FTO: variants seen among roughly 807,000 people sequenced by gnomAD.
FTO encodes alpha-ketoglutarate-dependent dioxygenase FTO.
Under a neutral mutation model 63.9 loss-of-function variants are expected in FTO, and 47 were observed. That is an observed-to-expected ratio of 0.74 (90% confidence interval 0.58 to 0.94). The LOEUF (loss-of-function observed/expected upper bound fraction) is 0.94. Among genes scored for constraint, FTO ranks in the 40% least tolerant of loss-of-function variants. The pLI is 0.00. For synonymous variants in FTO, 207 were observed against 224.4 expected (o/e 0.92, Z 0.69); for missense variants, 562 against 618.1 (o/e 0.91, Z 0.96).
At chr16:53,860,828 A>G (rs1274603857) in intron 4 of FTO, among the ~76,000 whole-genome samples, 1 of 151,942 alleles carries the variant, frequency 6.6e-6, no homozygotes, top group East Asian at 1.9e-4. Flanking sequence ...ATATTTATTA[A>G]TACTGTATTA....
intron 8 of FTO, among the ~76,000 whole-genome samples, chr16:54,025,435 A>G (rs2084690962): frequency 6.6e-6 from 1 of 152,164 alleles, no homozygotes; most frequent in Admixed American, 6.5e-5. Flanking sequence ...AATGTTACTT[A>G]TTTTTGGCCA....
At chr16:53,937,528 C>G (rs2082417557) in intron 8 of FTO, 1 of 353,462 alleles carries the variant, frequency 2.8e-6, no homozygotes, top group East Asian at 4.2e-5. Context: ...ACCGGGTGTC[C>G]CAGGATAGGC....
chr16:53,920,523 G>T (rs1472882735), intron 7 of FTO, among the ~76,000 whole-genome samples: 2 of 152,096 alleles, frequency 1.3e-5, no homozygotes, highest in East Asian at 3.9e-4. Flanking sequence ...TTGTGTGTGT[G>T]TATATATAAT....
intron 8 of FTO, chr16:53,993,783 G>A (rs1452551689): frequency 6.6e-6 from 1 of 152,140 alleles, no homozygotes; most frequent in African/African-American, 2.4e-5. Flanking sequence ...GTGGTTTCAG[G>A]AACCAGAATC....
intron 1 of FTO, among the ~76,000 whole-genome samples, chr16:53,740,412 G>A (rs900544095): frequency 2.6e-5 from 4 of 152,124 alleles, no homozygotes; most frequent in Non-Finnish European, 4.4e-5. Flanking sequence ...TTCATGTTAC[G>A]TTCCTGCTAA....
Position 53,765,207 on chromosome 16 carries a change from G to T in FTO, c.46-44933G>T, listed in dbSNP as rs61679206. ...CTCTGGGGATTCAGTAGTAACAGAC[G>T]AGAGTCCCTCTTCTCATGGAGATTA... On this transcript the variant is annotated intron_variant, in intron 1 of 8. Coordinates refer to ENST00000471389, the MANE Select transcript of FTO (RefSeq NM_001080432.3). 6.0e-3 allele frequency among the ~76,000 whole-genome samples: 913 copies of T among 152,218 alleles called. 6 individuals are homozygous for T. Among genetic ancestry groups the T allele is most frequent in the African/African-American group, 0.021 (869 of 41,542 alleles).
At chr16:53,919,373 G>T (rs1471437764) in intron 7 of FTO, among the ~76,000 whole-genome samples, 1 of 152,046 alleles carries the variant, frequency 6.6e-6, no homozygotes, top group African/African-American at 2.4e-5. Flanking sequence ...TACCCCATGA[G>T]ACCCTGGGGT....
At chr16:54,109,275 C>G (rs1220313083) in intron 8 of FTO, among the ~76,000 whole-genome samples, 1 of 152,206 alleles carries the variant, frequency 6.6e-6, no homozygotes, top group African/African-American at 2.4e-5. Flanking sequence ...TGCAGCTTGT[C>G]TGTCAGAGCT....
intron 8 of FTO, among the ~76,000 whole-genome samples, chr16:53,962,228 G>A (rs1344057026): frequency 2.0e-5 from 3 of 152,158 alleles, no homozygotes; most frequent in Non-Finnish European, 4.4e-5. Context: ...GTCAGAGCTC[G>A]TGGTGAAGGC....
At chr16:54,040,505 C>T (rs2192869) in intron 8 of FTO, 67,963 of 151,986 alleles carry the variant, frequency 0.45, 17,625 homozygotes, top group African/African-American at 0.71. Flanking sequence ...GGGAGAAACC[C>T]GTGTTAAACA....
chr16:54,054,673 A>G (rs1331939121), intron 8 of FTO: 5 of 152,200 alleles, frequency 3.3e-5, no homozygotes, highest in Non-Finnish European at 7.3e-5. Flanking sequence ...ACTGGCTGCT[A>G]TGATGTATAG....
chr16:53,885,716 T>C (rs921883591), intron 6 of FTO, among the ~76,000 whole-genome samples: 7 of 152,212 alleles, frequency 4.6e-5, no homozygotes, highest in Non-Finnish European at 1.5e-5. Flanking sequence ...TATTCTGTAG[T>C]GGTACCCACT....
chr16:53,915,871 A>G (rs1481716498), intron 7 of FTO, among the ~76,000 whole-genome samples: 1 of 152,230 alleles, frequency 6.6e-6, no homozygotes, highest in Non-Finnish European at 1.5e-5. Context: ...TCTGTCTGAG[A>G]TGAGCCAATA....
At chr16:54,109,178 A>G (rs1190238207) in intron 8 of FTO, among the ~76,000 whole-genome samples, 5 of 152,216 alleles carry the variant, frequency 3.3e-5, no homozygotes, top group African/African-American at 4.8e-5. Context: ...AAAAAACTTT[A>G]AAGTAATCTT....
intron 1 of FTO, among the ~76,000 whole-genome samples, chr16:53,731,748 CT>C (rs1288180518): frequency 1.5e-3 from 189 of 127,358 alleles, no homozygotes; most frequent in Non-Finnish European, 1.7e-3. Flanking sequence ...AATGTTTGTA[CT>C]TTTTTTTTTT....
In FTO at chr16:53,826,265, T is replaced by G. The variant is rs2079003090; in HGVS notation, c.525T>G (p.Asp175Glu). 6.2e-7 allele frequency: 1 copy of G among 1,614,050 alleles called. No individual in the cohort carries two copies. Among genetic ancestry groups the G allele is most frequent in the African/African-American group, 1.3e-5 (1 of 74,920 alleles). Reference protein sequence around the residue: ...EDAVPLCMSADFPRVGMGSSY... With the variant: ...EDAVPLCMSAEFPRVGMGSSY... ...CTGTGCCATTGTGTATGTCTGCAGA[T>G]TTCCCCAGGGTTGGGATGGGTTCAT... The change falls in exon 3 of 9, where the codon GAT (aspartate) becomes GAG (glutamate). Residue 175 changes from aspartate to glutamate, a missense_variant. Asp to Glu is a conservative substitution (Grantham distance 45). Transcript: ENST00000471389.
intron 8 of FTO, among the ~76,000 whole-genome samples, chr16:53,978,379 A>T (rs1275505122): frequency 6.6e-6 from 1 of 152,214 alleles, no homozygotes; most frequent in Non-Finnish European, 1.5e-5. Flanking sequence ...TTCAAAATTT[A>T]ATCTTAGTTT....
At chr16:54,028,407 A>G (rs551399842) in intron 8 of FTO, among the ~76,000 whole-genome samples, 1 of 152,340 alleles carries the variant, frequency 6.6e-6, no homozygotes, top group African/African-American at 2.4e-5. Context: ...CTGCCCATGT[A>G]ATGAACAGAT....
At chr16:53,759,687 C>G (rs1183415515) in intron 1 of FTO, among the ~76,000 whole-genome samples, 1 of 79,614 alleles carries the variant, frequency 1.3e-5, no homozygotes, top group Non-Finnish European at 2.3e-5. Context: ...GAAAAAGACT[C>G]CTTCTCAAAA....
Sources: gnomAD v4.1 joint callset for allele counts (sites outside exome capture counted in the v4.1 genomes callset) on GRCh38, gnomAD v4.1.1 for gene constraint, MANE v1.5 for transcripts, NCBI Gene and HGNC (gene_info 2026-07-23, HGNC 2026-07-21) for gene names.